Variants in SUFU observed in about 807,000 individuals in gnomAD.
The protein encoded by SUFU is SUFU negative regulator of hedgehog signaling, also known as suppressor of fused homolog.
Under a neutral mutation model 58.9 loss-of-function variants are expected in SUFU, and 7 were observed. The observed-to-expected ratio is 0.12, with a 90% CI of 0.07 to 0.22. The LOEUF (loss-of-function observed/expected upper bound fraction) is 0.22. Ranked by LOEUF, SUFU falls within the 10% of genes least tolerant of loss-of-function variation. The pLI, the probability that SUFU is intolerant of heterozygous loss-of-function variation, is 1.00. For missense variants in SUFU, 451 were observed against 641.3 expected (o/e 0.70, Z 3.20); for synonymous variants, 232 against 254.8 (o/e 0.91, Z 0.85).
At chr10:102,521,679 T>G (rs930093096) in intron 2 of SUFU, among the ~76,000 whole-genome samples, 2 of 152,170 alleles carry the variant, frequency 1.3e-5, no homozygotes, top group African/African-American at 4.8e-5. Context: ...AACCTTGCCT[T>G]TGATGAGAAA....
chr10:102,504,414 G>T, intron 1 of SUFU, 80 bp downstream of exon 1: 1 of 1,579,698 alleles, frequency 6.3e-7, no homozygotes, highest in Non-Finnish European at 8.6e-7. Flanking sequence ...ATTTGTGGGA[G>T]GTGGGAGGAG....
chr10:102,541,721 T>TTC (rs1554845591), intron 2 of SUFU, among the ~76,000 whole-genome samples: 143 of 135,488 alleles, frequency 1.1e-3, no homozygotes, highest in Non-Finnish European at 2.0e-3. Flanking sequence ...TTTTTTTTTT[T>TTC]CCTTTTGAGA....
intron 3 of SUFU, among the ~76,000 whole-genome samples, chr10:102,588,089 C>T (rs1184385467): frequency 6.6e-6 from 1 of 152,008 alleles, no homozygotes; most frequent in Non-Finnish European, 1.5e-5. Flanking sequence ...TTGTTTTGGC[C>T]CCCTTGTTGA....
intron 2 of SUFU, among the ~76,000 whole-genome samples, chr10:102,530,447 CTTTTTTT>C (rs34892390): frequency 1.8e-5 from 2 of 113,478 alleles, no homozygotes; most frequent in Non-Finnish European, 1.7e-5. Flanking sequence ...TATTTTAAAT[CTTTTTTT>C]TTTTTTTTTT....
chr10:102,589,333 A>C (rs1209132201), intron 3 of SUFU, among the ~76,000 whole-genome samples: 1 of 151,770 alleles, frequency 6.6e-6, no homozygotes, highest in African/African-American at 2.4e-5. Context: ...TAATAGTTCT[A>C]GTAATTTTTA....
chr10:102,507,158 G>A (rs1748372536), intron 1 of SUFU, among the ~76,000 whole-genome samples: 1 of 152,190 alleles, frequency 6.6e-6, no homozygotes, highest in Non-Finnish European at 1.5e-5. Context: ...CTGACTCTTG[G>A]TAGTTCCTTG....
chr10:102,582,131 G>A (rs1004348484), intron 3 of SUFU, among the ~76,000 whole-genome samples: 8 of 152,276 alleles, frequency 5.3e-5, no homozygotes, highest in Non-Finnish European at 1.2e-4. Context: ...CTTTCACAGC[G>A]CCAAGCTTCA....
rs1187200623 is a variant in SUFU, at chr10:102,593,653, T to C, written c.615T>C (p.Thr205=). 1.9e-6 allele frequency: 3 copies of C among 1,614,070 alleles called. No homozygotes were observed. Among genetic ancestry groups the C allele is most frequent in the Admixed American group, 3.3e-5 (2 of 60,008 alleles). ...GGCCTCAGATCGTTGGTGTCTGCACTGAAGAGCTACACTCAGCCCAGCAGT... is the reference window on the plus strand; with the variant it reads ...GGCCTCAGATCGTTGGTGTCTGCACCGAAGAGCTACACTCAGCCCAGCAGT... The part of the protein sequence containing the change: ...VTFLQIVGVC[T]EELHSAQQWN... Residue 205 remains threonine (T), a synonymous_variant, in exon 5 of 12, where the codon ACT becomes ACC. Coordinates refer to ENST00000369902, the MANE Select transcript of SUFU (RefSeq NM_016169.4).
At chr10:102,618,411 A>G (rs2063708160) in intron 10 of SUFU, 1 of 152,674 alleles carries the variant, frequency 6.5e-6, no homozygotes, top group Non-Finnish European at 1.5e-5. Context: ...GCATGTCTAC[A>G]GAATTTCTCC....
At chr10:102,614,064 G>T (rs2063655632) in intron 8 of SUFU, among the ~76,000 whole-genome samples, 1 of 152,240 alleles carries the variant, frequency 6.6e-6, no homozygotes, top group Non-Finnish European at 1.5e-5. Context: ...TGAAGGGTGT[G>T]AATGTCCCTG....
At chr10:102,525,297 A>T (rs2135678924) in intron 2 of SUFU, among the ~76,000 whole-genome samples, 1 of 151,802 alleles carries the variant, frequency 6.6e-6, no homozygotes, top group East Asian at 2.0e-4. Context: ...TTTAGTAGAG[A>T]TGGGGTTTTG....
chr10:102,552,218 G>A (rs937312877), intron 3 of SUFU, among the ~76,000 whole-genome samples: 4 of 152,114 alleles, frequency 2.6e-5, no homozygotes, highest in African/African-American at 9.7e-5. Context: ...GCTGAAGCAG[G>A]AGGATCACTT....
chr10:102,543,617 A>G (rs979895350), intron 2 of SUFU, among the ~76,000 whole-genome samples: 1 of 152,318 alleles, frequency 6.6e-6, no homozygotes, highest in African/African-American at 2.4e-5. Context: ...CTAGGCAACC[A>G]TTAATCCACT....
chr10:102,612,204 TGTGTGC>T (rs2063633589), intron 8 of SUFU, among the ~76,000 whole-genome samples: 1 of 117,028 alleles, frequency 8.5e-6, no homozygotes, highest in Admixed American at 9.9e-5. Flanking sequence ...TGTGTGTGTG[TGTGTGC>T]ACGCGCATGT....
At chr10:102,507,467 A>G (rs766009976) in intron 1 of SUFU, among the ~76,000 whole-genome samples, 3 of 152,184 alleles carry the variant, frequency 2.0e-5, no homozygotes, top group Non-Finnish European at 4.4e-5. Flanking sequence ...AAACTTTTCT[A>G]AATCCAACCT....
chr10:102,619,187 C>A lies in SUFU; in HGVS notation c.1296+1759C>A. On this transcript the variant is annotated intron_variant, in intron 10 of 11. Coordinates refer to ENST00000369902, the MANE Select transcript of SUFU (RefSeq NM_016169.4). The surrounding 1 kb of genome is among the most constrained non-coding windows in gnomAD (Gnocchi z 4.2). ...GAACCTTGGCCCCCACAGGACTTCG[C>A]AGATGTCACATTGCCCCTCAGTCCC... is the stretch of plus-strand genomic sequence containing the variant. 1 of 1,604,902 alleles carries A rather than the reference C, an allele frequency of 6.2e-7. No individual in the cohort carries two copies. Among genetic ancestry groups the A allele is most frequent in the African/African-American group, 1.3e-5 (1 of 74,936 alleles).
intron 2 of SUFU, among the ~76,000 whole-genome samples, chr10:102,521,436 C>T (rs1157602688): frequency 2.6e-5 from 4 of 152,238 alleles, no homozygotes; most frequent in East Asian, 1.9e-4. Flanking sequence ...GAGTTAGATC[C>T]GCTGAGTAGG....
intron 3 of SUFU, among the ~76,000 whole-genome samples, chr10:102,559,973 ATT>A (rs1455044332): frequency 6.6e-6 from 1 of 152,064 alleles, no homozygotes; most frequent in Non-Finnish European, 1.5e-5. Flanking sequence ...GAGTGGCTCG[ATT>A]TCTGAGTGCT....
intron 2 of SUFU, among the ~76,000 whole-genome samples, chr10:102,521,184 AT>A (rs2062547435): frequency 6.6e-6 from 1 of 152,088 alleles, no homozygotes; most frequent in African/African-American, 2.4e-5. Context: ...GTGGAGTGGT[AT>A]CTAATTGTTT....
Sources: gnomAD v4.1 joint callset for allele counts (sites outside exome capture counted in the v4.1 genomes callset) on GRCh38, gnomAD v4.1.1 for gene constraint, Gnocchi (gnomAD v3.1) non-coding constraint, MANE v1.5 for transcripts, NCBI Gene and HGNC (gene_info 2026-07-23, HGNC 2026-07-21) for gene names.